Variants in TEP1 observed in about 807,000 individuals in gnomAD.
TEP1 encodes telomerase protein component 1.
Under a neutral mutation model 306.3 loss-of-function variants are expected in TEP1, and 241 were observed. The ratio of observed to expected loss-of-function variants is 0.79; its 90% CI spans 0.71 to 0.88. TEP1 has a LOEUF of 0.88. TEP1 is among the 40% of genes least tolerant of loss of function. TEP1 has a pLI of 0.00. For missense variants in TEP1, 3,051 were observed against 3,276.1 expected (o/e 0.93, Z 1.68); for synonymous variants, 1,289 against 1,305.5 (o/e 0.99, Z 0.27).
intron 5 of TEP1, 108 bp from the exon 6 acceptor site, chr14:20,403,992 G>A (rs1410075332): frequency 6.9e-7 from 1 of 1,440,266 alleles, no homozygotes; most frequent in Non-Finnish European, 9.5e-7. Context: ...TAGCGAGCAA[G>A]TTCCCAGCCC....
intron 29 of TEP1, 24 bp from the exon 30 acceptor site, chr14:20,382,087 C>T: frequency 6.2e-7 from 1 of 1,613,424 alleles, no homozygotes; most frequent in Non-Finnish European, 8.5e-7. Flanking sequence ...CTCTCTGAGG[C>T]CCTCATCTAA....
At position 20,378,973 on chromosome 14, in the gene TEP1, C is replaced by T. The variant is rs1161862647; in HGVS notation, c.5252+8G>A. On this transcript the variant is annotated splice_region_variant and intron_variant, in intron 36 of 54. Coordinates refer to ENST00000262715, the MANE Select transcript of TEP1 (RefSeq NM_007110.5). ...CTCATTCCAAGACAAATGGGGAGGA[C>T]CCCTTACCGACAACCATGCTGCAGG... The T allele has an allele frequency of 6.2e-7, 1 of 1,614,048 alleles. No individual in the cohort carries two copies.
chr14:20,400,552 A>ATCC (rs1878617459), intron 9 of TEP1: 1 of 144,750 alleles, frequency 6.9e-6, no homozygotes, highest in Non-Finnish European at 1.5e-5. Context: ...AGATAACTTG[A>ATCC]TCCTCCTCTA....
intron 54 of TEP1, 34 bp downstream of exon 54, chr14:20,368,764 G>GCACA (rs112024184): frequency 0.05 from 67,175 of 1,339,210 alleles, 375 homozygotes; most frequent in Non-Finnish European, 0.056. Context: ...GCAGGCGCAC[G>GCACA]CACACACACA....
chr14:20,386,496 C>T lies in TEP1; in HGVS notation c.2812G>A (p.Gly938Arg), dbSNP rs768585720. 2.4e-5 allele frequency: 39 copies of T among 1,612,390 alleles called. No homozygotes were observed. Among genetic ancestry groups the T allele is most frequent in the South Asian group, 3.3e-5 (3 of 90,962 alleles). Residue 938 changes from glycine (G) to arginine (R), a missense_variant, in exon 19 of 55, where the codon GGA becomes AGA. Around this residue, in one of 3 missense-constraint regions of TEP1, gnomAD observed 1,507 missense variants for 1,550.5 expected, o/e 0.97. Coordinates refer to ENST00000262715, the MANE Select transcript of TEP1 (RefSeq NM_007110.5). ...GTGACGCCCCAGCGGAGGTCGATTC[C>T]GTGAAGGCTGATACGGTGAGGGGCC... The part of the protein sequence containing the change: ...RAAPHRISLH[G>R]IDLRWGVTEE...
chr14:20,386,586 G>A lies in TEP1; in HGVS notation c.2722C>T (p.Arg908Ter), dbSNP rs753534576. Residue 908 changes from arginine (R) to a stop codon, truncating the protein, a stop_gained, in exon 19 of 55, where the codon CGA becomes TGA. Transcript: ENST00000262715. LOFTEE classifies it high-confidence loss of function. The part of the protein sequence containing the change: ...SIRLFISSTF[R>*]DMHGERDLLL... ...AGGTCCCGCTCCCCATGCATGTCTC[G>A]GAAAGTGGATGAAATGAAAAGCCGG... 2.1e-5 allele frequency: 33 copies of A among 1,607,866 alleles called. No homozygotes were observed. Among genetic ancestry groups the A allele is most frequent in the Middle Eastern group, 3.3e-4 (2 of 6,056 alleles).
chr14:20,404,603 C>A lies in TEP1; in HGVS notation c.1032+8G>T. ...GAAGGCCCAAGCTCAGGGAAATGAGCACCATACCTGGTAAAGCTCAGCCAC... is the reference window on the plus strand; with the variant it reads ...GAAGGCCCAAGCTCAGGGAAATGAGAACCATACCTGGTAAAGCTCAGCCAC... On this transcript the variant is annotated splice_region_variant and intron_variant, in intron 5 of 54. Transcript: ENST00000262715. The A allele has an allele frequency of 6.2e-7, 1 of 1,610,060 alleles. No homozygotes were observed. Among genetic ancestry groups the A allele is most frequent in the Non-Finnish European group, 8.5e-7 (1 of 1,178,062 alleles).
At position 20,382,118 on chromosome 14, in the gene TEP1, C is replaced by A; in HGVS notation, c.4274-55G>T. ...TCTAACCATACGGTGTCCCCGCCCC[C>A]ACCACACCCAGTCTCTCCTTGAACT... On this transcript the variant is annotated intron_variant, in intron 29 of 54. Coordinates refer to ENST00000262715, the MANE Select transcript of TEP1 (RefSeq NM_007110.5). 3 of 1,610,838 alleles carry A rather than the reference C, an allele frequency of 1.9e-6. No individual in the cohort carries two copies. In the South Asian group the frequency reaches 3.3e-5, roughly 18 times the overall value.
chr14:20,377,566 A>G, intron 40 of TEP1, 34 bp downstream of exon 40: 1 of 1,613,878 alleles, frequency 6.2e-7, no homozygotes. Flanking sequence ...CTCTTTCTAA[A>G]GGCTCAAAAA....
Position 20,382,376 on chromosome 14 carries a change from G to A in TEP1, c.4141-20C>T. The A allele has an allele frequency of 1.3e-6, 2 of 1,594,332 alleles. No individual in the cohort carries two copies. The highest frequency in any genetic ancestry group is 1.7e-6 in the Non-Finnish European group (2 of 1,169,882). Reference sequence around the variant, plus strand: ...AGACACCTAGGATGGCGGGAGGACAGCCTTGTTCAGTGCAGTGGGAGGAGA... The same window carrying A: ...AGACACCTAGGATGGCGGGAGGACAACCTTGTTCAGTGCAGTGGGAGGAGA... On this transcript the variant is annotated intron_variant, in intron 28 of 54. Transcript: ENST00000262715.
Position 20,408,267 on chromosome 14 carries a change from A to G in TEP1, c.173T>C (p.Leu58Pro), listed in dbSNP as rs773478455. 1.2e-6 allele frequency: 2 copies of G among 1,613,592 alleles called. No individual in the cohort carries two copies. Among genetic ancestry groups the G allele is most frequent in the Non-Finnish European group, 1.7e-6 (2 of 1,179,510 alleles). ...TCCATGTGGTTTTTCCATGGTCTTCAGGTCAGGAAGCGTGGCTAGGCACTG... is the reference window on the plus strand; with the variant it reads ...TCCATGTGGTTTTTCCATGGTCTTCGGGTCAGGAAGCGTGGCTAGGCACTG... Reference protein sequence around the residue: ...KNQCLATLPDLKTMEKPHGYV... With the variant: ...KNQCLATLPDPKTMEKPHGYV... Residue 58 changes from leucine to proline, a missense_variant, in exon 2 of 55, where the codon CTG becomes CCG. Transcript: ENST00000262715.
rs1876624594 is a variant in TEP1 at position 20,382,170 on chromosome 14, T to A, written c.4273+54A>T. The stretch of plus-strand genomic sequence containing the variant: ...CCTGCTGAGACCCCAAGGGAACCAA[T>A]GTAATCCGAACCCTGGCCCTCAGCC... On this transcript the variant is annotated intron_variant, in intron 29 of 54. Coordinates refer to ENST00000262715, the MANE Select transcript of TEP1 (RefSeq NM_007110.5). The A allele has an allele frequency of 3.1e-6, 5 of 1,613,170 alleles. No homozygotes were observed. In the Admixed American group the frequency reaches 8.3e-5, roughly 27 times the overall value.
intron 9 of TEP1, among the ~76,000 whole-genome samples, chr14:20,397,011 A>G (rs1243605178): frequency 6.6e-6 from 1 of 152,178 alleles, no homozygotes; most frequent in Non-Finnish European, 1.5e-5. Context: ...CATACAATCT[A>G]CCCTACTCAA....
Position 20,371,365 on chromosome 14 carries a change from A to T in TEP1, c.7221-51T>A, listed in dbSNP as rs752287494. 5.6e-6 allele frequency: 9 copies of T among 1,594,552 alleles called. No homozygotes were observed. In the East Asian group the frequency reaches 2.0e-4, roughly 36 times the overall value. On this transcript the variant is annotated intron_variant, in intron 50 of 54. Transcript: ENST00000262715. The stretch of plus-strand genomic sequence containing the variant: ...GAGCTCAGGATTTAAAGAGAGGTAA[A>T]GAGAAGAACACCTCTCTTTAAGACT...
At chr14:20,394,161 C>A (rs1877977397) in intron 12 of TEP1, among the ~76,000 whole-genome samples, 1 of 152,110 alleles carries the variant, frequency 6.6e-6, no homozygotes, top group Non-Finnish European at 1.5e-5. Flanking sequence ...ACTGCAGCCT[C>A]AAATTCCTGA....
At position 20,381,426 on chromosome 14, in the gene TEP1, G is replaced by A; in HGVS notation, c.4559-25C>T. On this transcript the variant is annotated intron_variant, in intron 31 of 54. Coordinates refer to ENST00000262715, the MANE Select transcript of TEP1 (RefSeq NM_007110.5). The surrounding 1 kb of genome is among the most constrained non-coding windows in gnomAD (Gnocchi z 4.0). The stretch of plus-strand genomic sequence containing the variant: ...GCTGCATGAACAGATATTGAGAAAG[G>A]CTCAGCCCTGCATCATTCCCAAGGG... The A allele has an allele frequency of 6.2e-7, 1 of 1,613,726 alleles. No individual in the cohort carries two copies. Among genetic ancestry groups the A allele is most frequent in the Non-Finnish European group, 8.5e-7 (1 of 1,179,954 alleles).
intron 6 of TEP1, 96 bp from the exon 7 acceptor site, chr14:20,403,544 G>C (rs1198293182): frequency 2.5e-6 from 4 of 1,594,152 alleles, no homozygotes; most frequent in Non-Finnish European, 3.4e-6. Flanking sequence ...TACCAAAAAG[G>C]AAGCCAACTA....
intron 18 of TEP1, 63 bp downstream of exon 18, chr14:20,387,842 G>C: frequency 6.5e-7 from 1 of 1,532,452 alleles, no homozygotes; most frequent in Non-Finnish European, 8.7e-7. Context: ...TTCAGCCCCA[G>C]GGTTTCCCAA....
chr14:20,386,616 T>A lies in TEP1; in HGVS notation c.2692A>T (p.Ser898Cys), dbSNP rs1223604490. The change falls in exon 19 of 55, where the codon AGC (serine) becomes TGC (cysteine). Residue 898 changes from serine (S) to cysteine (C), a missense_variant. Coordinates refer to ENST00000262715, the MANE Select transcript of TEP1 (RefSeq NM_007110.5). ...LAPVSQQGWR[S>C]IRLFISSTFR... ...GTGGATGAAATGAAAAGCCGGATGC[T>A]GCGCCATCTGGGGATAAGCAGAGAG... The A allele has an allele frequency of 6.3e-7, 1 of 1,598,724 alleles. No homozygotes were observed. The highest frequency in any genetic ancestry group is 8.5e-7 in the Non-Finnish European group (1 of 1,170,392).
Sources: allele counts gnomAD v4.1 joint callset (sites outside exome capture counted in the v4.1 genomes callset), GRCh38; gene constraint gnomAD v4.1.1; regional missense constraint gnomAD v4.1.1; non-coding constraint Gnocchi (gnomAD v3.1); transcripts MANE v1.5; gene names NCBI Gene and HGNC (gene_info 2026-07-23, HGNC 2026-07-21).